The following ATP10A variants were observed in gnomAD, a reference collection of about 807,000 sequenced individuals.
ATP10A encodes the protein phospholipid-transporting ATPase VA.
A neutral mutation model predicts 147.8 loss-of-function variants in ATP10A; 111 were observed. The ratio of observed to expected loss-of-function variants is 0.75; its 90% confidence interval spans 0.64 to 0.88. The LOEUF is 0.88. Among genes scored for constraint, ATP10A ranks in the 40% least tolerant of loss-of-function variants. ATP10A has a pLI of 0.00. For synonymous variants in ATP10A, 875 were observed against 841.6 expected (o/e 1.04, Z -0.69); for missense variants, 1,927 against 1,959.0 (o/e 0.98, Z 0.31).
rs1899541710 is a variant in ATP10A at position 25,683,478 on chromosome 15, C to T, written c.3300G>A (p.Val1100=). The T allele has an allele frequency of 6.2e-7, 1 of 1,612,460 alleles. No homozygotes were observed. Among genetic ancestry groups the T allele is most frequent in the Non-Finnish European group, 8.5e-7 (1 of 1,179,294 alleles). Residue 1100 remains valine (V), a synonymous_variant, in exon 17 of 21, where the codon GTG becomes GTA. Transcript: ENST00000555815. ...LYFFYKNTMF[V]GLLFWFQFFC... Reference sequence around the variant, plus strand: ...AAAACTGGAACCAAAACAGGAGGCCCACGAACATCTGAAATCAAGAAAGGA... The same window carrying T: ...AAAACTGGAACCAAAACAGGAGGCCTACGAACATCTGAAATCAAGAAAGGA...
intron 1 of ATP10A, among the ~76,000 whole-genome samples, chr15:25,851,161 A>T (rs1318739594): frequency 6.6e-6 from 1 of 152,034 alleles, no homozygotes; most frequent in Non-Finnish European, 1.5e-5. Context: ...AGATTACTAT[A>T]CAACAGGCAG....
chr15:25,777,865 G>A (rs1889697212), intron 2 of ATP10A, among the ~76,000 whole-genome samples: 1 of 149,374 alleles, frequency 6.7e-6, no homozygotes, highest in Non-Finnish European at 1.5e-5. Flanking sequence ...TCCTGTCTCA[G>A]CCTCCCAAAG....
intron 4 of ATP10A, 56 bp from the exon 5 acceptor site, chr15:25,726,138 C>CT: frequency 1.9e-6 from 3 of 1,581,112 alleles, no homozygotes; most frequent in Non-Finnish European, 1.7e-6. Flanking sequence ...AAGGGACCAG[C>CT]TGCATGGATG....
intron 12 of ATP10A, among the ~76,000 whole-genome samples, chr15:25,704,399 T>C (rs948807301): frequency 6.6e-6 from 1 of 152,196 alleles, no homozygotes; most frequent in Non-Finnish European, 1.5e-5. Flanking sequence ...CTCAAGGACC[T>C]TGTGCCTCCC....
At chr15:25,691,568 G>T in intron 15 of ATP10A, 147 bp downstream of exon 15, 1 of 724,810 alleles carries the variant, frequency 1.4e-6, no homozygotes. Flanking sequence ...TGGCTTAGCA[G>T]CTGTATTGAG....
intron 3 of ATP10A, among the ~76,000 whole-genome samples, chr15:25,729,985 G>T (rs1335520462): frequency 6.6e-6 from 1 of 152,030 alleles, no homozygotes; most frequent in Non-Finnish European, 1.5e-5. Flanking sequence ...AGGAGTGGCT[G>T]AGAGCAAGAA....
chr15:25,694,974 C>T lies in ATP10A; in HGVS notation c.2933G>A (p.Ser978Asn). Residue 978 changes from serine to asparagine, a missense_variant, in exon 14 of 21, where the codon AGC (serine) becomes AAC (asparagine). Physicochemically the swap from Ser to Asn is conservative, Grantham distance 46. Transcript: ENST00000555815. ...RRPSLVIDGR[S>N]LAYALEKNLE... ...GTTTTTCTCGAGAGCGTAGGCCAGG[C>T]TTCTCCCATCGATCACGAGGCTGGG... 6.2e-7 allele frequency: 1 copy of T among 1,614,186 alleles called. No homozygotes were observed. The highest frequency in any genetic ancestry group is 1.1e-5 in the South Asian group (1 of 91,084).
intron 2 of ATP10A, among the ~76,000 whole-genome samples, chr15:25,770,318 T>C (rs1476001004): frequency 5.3e-5 from 8 of 152,286 alleles, no homozygotes; most frequent in Admixed American, 5.2e-4. Context: ...ATGGTGACGC[T>C]GCTCTGCAGA....
At chr15:25,767,840 T>C (rs75723577) in intron 2 of ATP10A, among the ~76,000 whole-genome samples, 11,605 of 152,364 alleles carry the variant, frequency 0.076, 489 homozygotes, top group Admixed American at 0.1. Flanking sequence ...TACTGTGCTG[T>C]AGACAGAGGT....
chr15:25,764,514 CCT>C (rs147047284), intron 2 of ATP10A, among the ~76,000 whole-genome samples: 11 of 151,198 alleles, frequency 7.3e-5, no homozygotes, highest in African/African-American at 2.4e-4. Flanking sequence ...CGAAGTTCTG[CCT>C]CTCTCTCTCT....
At chr15:25,860,558 C>T (rs974540445) in intron 1 of ATP10A, among the ~76,000 whole-genome samples, 1 of 152,198 alleles carries the variant, frequency 6.6e-6, no homozygotes, top group African/African-American at 2.4e-5. Context: ...GCCCACTGTC[C>T]TCAAGGCAGC....
At chr15:25,808,325 T>G (rs1435998579) in intron 1 of ATP10A, among the ~76,000 whole-genome samples, 1 of 152,206 alleles carries the variant, frequency 6.6e-6, no homozygotes, top group East Asian at 1.9e-4. Context: ...TCAACACAAG[T>G]CACAACAGCT....
intron 2 of ATP10A, among the ~76,000 whole-genome samples, chr15:25,754,650 C>A (rs2140597374): frequency 6.6e-6 from 1 of 152,198 alleles, no homozygotes; most frequent in East Asian, 1.9e-4. Flanking sequence ...CCTGAGAAAC[C>A]CAATATCCGA....
At chr15:25,849,138 G>T (rs1289928513) in intron 1 of ATP10A, among the ~76,000 whole-genome samples, 2 of 152,006 alleles carry the variant, frequency 1.3e-5, no homozygotes, top group Non-Finnish European at 2.9e-5. Context: ...GAATAACCTC[G>T]GTGGACCCTG....
chr15:25,728,488 C>T (rs1312408346), intron 3 of ATP10A, among the ~76,000 whole-genome samples: 2 of 152,158 alleles, frequency 1.3e-5, no homozygotes, highest in Admixed American at 1.3e-4. Flanking sequence ...AACCACTTTG[C>T]CAGCCACAGC....
intron 2 of ATP10A, among the ~76,000 whole-genome samples, chr15:25,761,033 T>C (rs1157193473): frequency 2.0e-5 from 3 of 152,184 alleles, no homozygotes; most frequent in African/African-American, 7.2e-5. Context: ...TATCAACAGA[T>C]GAATGAATCC....
intron 7 of ATP10A, 102 bp downstream of exon 7, chr15:25,721,543 CGTGTGTGTGTGT>C (rs59037981): frequency 7.0e-4 from 526 of 749,388 alleles, no homozygotes; most frequent in Admixed American, 2.3e-3. Flanking sequence ...ATCCCTGAAG[CGTGTGTGTGTGT>C]GTGTGTGTGT....
chr15:25,684,583 G>A (rs1392873601), intron 16 of ATP10A, among the ~76,000 whole-genome samples: 2 of 152,196 alleles, frequency 1.3e-5, no homozygotes, highest in South Asian at 2.1e-4. Context: ...GAGGGAACTT[G>A]AAGTTCCAAG....
At chr15:25,779,271 A>T (rs1413802914) in intron 2 of ATP10A, among the ~76,000 whole-genome samples, 1 of 152,204 alleles carries the variant, frequency 6.6e-6, no homozygotes, top group African/African-American at 2.4e-5. Flanking sequence ...TCCAGTGCTT[A>T]AATTCTGCTG....
Sources: allele counts gnomAD v4.1 joint callset (sites outside exome capture counted in the v4.1 genomes callset), GRCh38; gene constraint gnomAD v4.1.1; transcripts MANE v1.5; gene names NCBI Gene and HGNC (gene_info 2026-07-23, HGNC 2026-07-21).